TFAP2A: variants seen among roughly 807,000 people sequenced by gnomAD.
TFAP2A encodes the protein transcription factor AP-2 alpha, also known as transcription factor AP-2-alpha.
In TFAP2A, 7 loss-of-function variants were observed where a neutral mutation model predicts 41.5. That is an observed-to-expected ratio of 0.17 (90% CI 0.10 to 0.32). The LOEUF is 0.32. Ranked by LOEUF, TFAP2A falls within the 10% of genes least tolerant of loss-of-function variation. TFAP2A has a pLI of 1.00. For synonymous variants in TFAP2A, 247 were observed against 242.8 expected (o/e 1.02, Z -0.16); for missense variants, 416 against 563.3 (o/e 0.74, Z 2.65).
At chr6:10,418,681 CGGCCTAGCA>C (rs1758327066), upstream of TFAP2A, 1 of 152,448 alleles carries the variant, frequency 6.6e-6, no homozygotes, top group African/African-American at 2.4e-5. Context: ...GTGGTGTCCG[CGGCCTAGCA>C]GGGCCAAGTT....
intron 4 of TFAP2A, among the ~76,000 whole-genome samples, chr6:10,403,625 G>A (rs1757524052): frequency 6.6e-6 from 1 of 152,122 alleles, no homozygotes; most frequent in Admixed American, 6.5e-5. Flanking sequence ...AACATTATCC[G>A]GGTAAGTTCA....
rs768948369 is a variant in TFAP2A, at chr6:10,410,300, C to T, written c.87G>A (p.Arg29=). 5.6e-6 allele frequency: 9 copies of T among 1,612,068 alleles called. No homozygotes were observed. The highest frequency in any genetic ancestry group is 2.7e-5 in the African/African-American group (2 of 74,534). ...RHDGTSNGTA[R]LPQLGTVGQS... ...GACCTACAGTGCCCAGCTGGGGCAACCGTGCCGTCCCGTTGCTGGTGCCGT... is the reference window on the plus strand; with the variant it reads ...GACCTACAGTGCCCAGCTGGGGCAATCGTGCCGTCCCGTTGCTGGTGCCGT... The change falls in exon 2 of 7, where the codon CGG becomes CGA. Residue 29 remains arginine (R), a synonymous_variant. Coordinates refer to ENST00000379613, the MANE Select transcript of TFAP2A (RefSeq NM_001372066.1).
upstream of TFAP2A, chr6:10,415,175 C>CGAG (rs932823331): frequency 7.5e-6 from 11 of 1,475,754 alleles, no homozygotes; most frequent in African/African-American, 1.4e-5. Context: ...AAGAGGAGGG[C>CGAG]GAGGAGGAGG....
rs143790149 is a variant in TFAP2A, at chr6:10,407,840, A to C, written c.487-996T>G. ...CGGGTGGATGGTACTAAGTTGCTTT[A>C]TTACAGGTTTTATTATACTCAATGC... is the stretch of plus-strand genomic sequence containing the variant. On this transcript the variant is annotated intron_variant, in intron 2 of 6. Transcript: ENST00000379613. 2.6e-4 allele frequency: 39 copies of C among 152,296 alleles called. 1 individual carries two copies. Among genetic ancestry groups the C allele is most frequent in the Middle Eastern group, 3.4e-3 (1 of 294 alleles). 9.4% of individuals were successfully genotyped at this position (152,296 alleles called of 1,614,324 possible). A position where few individuals can be genotyped will look rare whatever the true frequency, so the allele number is the denominator to read the frequency against.
chr6:10,405,927 T>C (rs1005500120), intron 3 of TFAP2A: 1 of 152,198 alleles, frequency 6.6e-6, no homozygotes, highest in Non-Finnish European at 1.5e-5. Context: ...GGAAAGAGCA[T>C]CTCTTAAGAT....
chr6:10,409,180 C>T (rs900077577), intron 2 of TFAP2A: 21 of 152,310 alleles, frequency 1.4e-4, no homozygotes, highest in African/African-American at 4.8e-4. Context: ...TCATTTTAAA[C>T]TGCATTTATT....
chr6:10,419,641 T>C, upstream of TFAP2A: 2 of 683,172 alleles, frequency 2.9e-6, no homozygotes, highest in South Asian at 3.5e-5. Flanking sequence ...CTCCGCCAGC[T>C]GCAGTCCCAG....
upstream of TFAP2A, chr6:10,419,281 TG>T: frequency 9.7e-7 from 1 of 1,028,474 alleles, no homozygotes; most frequent in Non-Finnish European, 1.5e-6. Context: ...GGAGCTCTCC[TG>T]GGCGCTGCCA....
Position 10,409,888 on chromosome 6 carries a change from C to G in TFAP2A, c.486+13G>C. ...GCTGTGTTCCCTCCCGCGCTGGTTGCGCGGCCTCTTACCGGGACCTCCTCG... is the reference window on the plus strand; with the variant it reads ...GCTGTGTTCCCTCCCGCGCTGGTTGGGCGGCCTCTTACCGGGACCTCCTCG... On this transcript the variant is annotated intron_variant, in intron 2 of 6. Coordinates refer to ENST00000379613, the MANE Select transcript of TFAP2A (RefSeq NM_001372066.1). 6.5e-7 allele frequency: 1 copy of G among 1,547,604 alleles called. No individual in the cohort carries two copies. The highest frequency in any genetic ancestry group is 8.7e-7 in the Non-Finnish European group (1 of 1,144,996).
At chr6:10,406,406 CTTACA>C in intron 3 of TFAP2A, 1 of 244,666 alleles carries the variant, frequency 4.1e-6, no homozygotes, top group East Asian at 1.0e-4. Flanking sequence ...ATCATCTGTT[CTTACA>C]TTAATGTTAA....
intron 1 of TFAP2A, chr6:10,412,194 A>C (rs998367112): frequency 1.8e-5 from 18 of 986,816 alleles, no homozygotes; most frequent in Non-Finnish European, 2.2e-5. Flanking sequence ...CGCGAGAGAC[A>C]AAAAGCGAGC....
upstream of TFAP2A, chr6:10,418,093 C>A (rs990424106): frequency 2.6e-5 from 4 of 152,224 alleles, no homozygotes; most frequent in Non-Finnish European, 5.9e-5. Flanking sequence ...GGTGTGGATT[C>A]CCGGGATTTG....
At chr6:10,400,319 G>T (rs1761960564) in intron 6 of TFAP2A, 129 bp downstream of exon 6, 2 of 1,114,192 alleles carry the variant, frequency 1.8e-6, no homozygotes, top group African/African-American at 3.1e-5. Flanking sequence ...TATATAAGAT[G>T]GTGTTATAAC....
intron 4 of TFAP2A, 41 bp from the exon 5 acceptor site, chr6:10,402,651 T>C (rs1193300112): frequency 3.4e-6 from 5 of 1,451,012 alleles, no homozygotes; most frequent in Non-Finnish European, 4.8e-6. Flanking sequence ...TTAGAAAACA[T>C]TGGGTTGCTC....
rs1761781395 is a variant in TFAP2A at position 10,396,777 on chromosome 6, T to C, written c.*1640A>G. 6.5e-6 allele frequency: 1 copy of C among 152,680 alleles called. No homozygotes were observed. 9.5% of individuals were successfully genotyped at this position (152,680 alleles called of 1,614,324 possible). On this transcript the variant is annotated 3_prime_UTR_variant, in exon 7 of 7. Transcript: ENST00000379613. ...TCCTTTAGCAGTACAAACAATCTTT[T>C]ATCCAAAAGAATACATTGGGTTTTA...
At position 10,398,253 on chromosome 6, in the gene TFAP2A, C is replaced by T. The variant is rs931711956; in HGVS notation, c.*164G>A. On this transcript the variant is annotated 3_prime_UTR_variant, in exon 7 of 7. Coordinates refer to ENST00000379613, the MANE Select transcript of TFAP2A (RefSeq NM_001372066.1). The surrounding 1 kb of genome is among the most constrained non-coding windows in gnomAD (Gnocchi z 5.3). ...CCACTGACAGTCGAGAGGGCAGTCC[C>T]GGAGACTCGGGGGGACCCAAGGGCA... is the stretch of plus-strand genomic sequence containing the variant. 4.6e-6 allele frequency: 7 copies of T among 1,529,234 alleles called. No homozygotes were observed. The Admixed American group carries it at 5.8e-5, about 13-fold the overall frequency. 94.7% of individuals were successfully genotyped at this position (1,529,234 alleles called of 1,614,324 possible).
intron 1 of TFAP2A, among the ~76,000 whole-genome samples, chr6:10,413,898 G>A (rs1431758564): frequency 6.7e-6 from 1 of 149,544 alleles, no homozygotes. Flanking sequence ...AGTTGGGACT[G>A]CCACCTATTT....
rs763674137 is a variant in TFAP2A, at chr6:10,411,612, G to C, written c.52-1277C>G. On this transcript the variant is annotated intron_variant, in intron 1 of 6. Transcript: ENST00000379613. ...GAACTAACATCTGCGAAGAGTCTGG[G>C]GTAACGAGTCAGGGTGGAAAAAAAC... The C allele has an allele frequency of 6.2e-6, 10 of 1,613,870 alleles. No homozygotes were observed. In the Admixed American group the frequency reaches 8.3e-5, roughly 13 times the overall value.
At chr6:10,419,105 AG>A (rs903915344), upstream of TFAP2A, among the ~76,000 whole-genome samples, 2 of 151,688 alleles carry the variant, frequency 1.3e-5, no homozygotes, top group South Asian at 2.1e-4. Flanking sequence ...TTGAGGTGGG[AG>A]GGGGGTGGGG....
Sources: allele counts gnomAD v4.1 joint callset (sites outside exome capture counted in the v4.1 genomes callset), GRCh38; gene constraint gnomAD v4.1.1; non-coding constraint Gnocchi (gnomAD v3.1); transcripts MANE v1.5; gene names NCBI Gene and HGNC (gene_info 2026-07-23, HGNC 2026-07-21).